Variants in SOX5 observed in about 807,000 individuals in gnomAD.
SOX5 encodes transcription factor SOX-5.
In SOX5, 9 loss-of-function variants were observed where a neutral mutation model predicts 92.0. The ratio of observed to expected loss-of-function variants is 0.10; its 90% CI spans 0.06 to 0.17. The LOEUF is 0.17. Among genes scored for constraint, SOX5 ranks in the 10% least tolerant of loss-of-function variants. The probability of loss-of-function intolerance (pLI) is 1.00; values close to 1 mark genes in which losing one functional copy is unlikely to be tolerated. For synonymous variants in SOX5, 344 were observed against 336.3 expected, an observed-to-expected ratio of 1.02 and a Z score of -0.25; for missense variants, 642 against 944.5, an observed-to-expected ratio of 0.68 and a Z score of 4.20.
intron 2 of SOX5, among the ~76,000 whole-genome samples, chr12:24,317,180 G>A (rs1949772722): frequency 6.6e-6 from 1 of 152,158 alleles, no homozygotes; most frequent in Non-Finnish European, 1.5e-5. Context: ...TATAAAATAT[G>A]CTCTAAGTAT....
intron 3 of SOX5, among the ~76,000 whole-genome samples, chr12:24,243,066 GA>G (rs1238938434): frequency 2.0e-5 from 3 of 151,852 alleles, no homozygotes; most frequent in Non-Finnish European, 4.4e-5. Flanking sequence ...TTATCTCTGG[GA>G]AAAAATGGGA....
chr12:24,029,067 T>C (rs1034111872), intron 4 of SOX5, among the ~76,000 whole-genome samples: 18 of 151,990 alleles, frequency 1.2e-4, no homozygotes, highest in African/African-American at 3.6e-4. Context: ...AAGGACTAAA[T>C]ATACTCATAT....
intron 1 of SOX5, among the ~76,000 whole-genome samples, chr12:24,487,914 G>T (rs1946681121): frequency 6.6e-6 from 1 of 152,030 alleles, no homozygotes; most frequent in Non-Finnish European, 1.5e-5. Flanking sequence ...CAAGGATTCA[G>T]TACGTTTCAA....
chr12:23,779,814 T>TATATATATATATATACACACACAC (rs777013504), intron 3 of SOX5, among the ~76,000 whole-genome samples: 2 of 110,812 alleles, frequency 1.8e-5, no homozygotes, highest in Non-Finnish European at 3.6e-5. Context: ...TATATATATA[T>TATATATATATATATACACACACAC]ACACACACAC....
At chr12:23,590,746 G>T (rs1425676921) in intron 9 of SOX5, among the ~76,000 whole-genome samples, 2 of 151,990 alleles carry the variant, frequency 1.3e-5, no homozygotes, top group African/African-American at 4.8e-5. Flanking sequence ...CTCTATAGAA[G>T]TTGTTTTGAC....
At chr12:24,354,352 C>T (rs552748015) in intron 2 of SOX5, among the ~76,000 whole-genome samples, 1 of 152,162 alleles carries the variant, frequency 6.6e-6, no homozygotes, top group Non-Finnish European at 1.5e-5. Context: ...CTGAAGGAGG[C>T]CAGTGGGTCT....
chr12:23,764,099 G>A (rs1480797680), intron 3 of SOX5, among the ~76,000 whole-genome samples: 1 of 151,974 alleles, frequency 6.6e-6, no homozygotes, highest in Non-Finnish European at 1.5e-5. Flanking sequence ...TTACTAAGGC[G>A]AGAGGAGTAG....
At chr12:24,096,966 C>A (rs955231572) in intron 4 of SOX5, among the ~76,000 whole-genome samples, 1 of 152,084 alleles carries the variant, frequency 6.6e-6, no homozygotes, top group Non-Finnish European at 1.5e-5. Flanking sequence ...TTTTCTATAG[C>A]GGTTGCACCA....
intron 4 of SOX5, among the ~76,000 whole-genome samples, chr12:24,173,321 G>A (rs1954415282): frequency 6.6e-6 from 1 of 152,300 alleles, no homozygotes; most frequent in South Asian, 2.1e-4. Context: ...TTGAAGTTTG[G>A]AGTCTCCCCT....
rs1399623690 is a variant in SOX5 at position 23,792,547 on chromosome 12, CA to C, written c.482-36824del. On this transcript the variant is annotated intron_variant, in intron 3 of 14. Transcript: ENST00000451604. The stretch of plus-strand genomic sequence containing the variant: ...CTGAGGCAGGAGGATTGCTTGAACC[CA>C]GGAGGCAGAGGTTGCAGTGAGCCGA... 2.2e-5 allele frequency among the ~76,000 whole-genome samples: 3 copies of C among 137,546 alleles called. No homozygotes were observed. In the East Asian group the frequency reaches 7.5e-4, roughly 34 times the overall value. The allele number at this position is 137,546 out of a possible 152,430, so 90.2% of individuals were successfully genotyped here.
chr12:24,479,761 G>A (rs1051609947), intron 1 of SOX5, among the ~76,000 whole-genome samples: 26 of 152,034 alleles, frequency 1.7e-4, no homozygotes, highest in African/African-American at 6.3e-4. Context: ...TGCCTCCCAG[G>A]TTCAAGCAAT....
At chr12:24,165,353 T>G (rs1343691373) in intron 4 of SOX5, among the ~76,000 whole-genome samples, 1 of 152,166 alleles carries the variant, frequency 6.6e-6, no homozygotes, top group African/African-American at 2.4e-5. Context: ...GATTATTTAT[T>G]TGCATTTATG....
At chr12:24,246,230 G>GT (rs1852134851) in intron 3 of SOX5, among the ~76,000 whole-genome samples, 1 of 148,836 alleles carries the variant, frequency 6.7e-6, no homozygotes, top group Admixed American at 6.7e-5. Context: ...GCTTGCTTCA[G>GT]TTTTTTGCCT....
chr12:23,892,449 A>G (rs781029288), intron 2 of SOX5, among the ~76,000 whole-genome samples: 4 of 152,202 alleles, frequency 2.6e-5, no homozygotes, highest in South Asian at 2.1e-4. Flanking sequence ...GCTAGTCTAT[A>G]GAGATTTTTC....
chr12:24,193,651 A>G (rs1423768022), intron 4 of SOX5, among the ~76,000 whole-genome samples: 2 of 152,324 alleles, frequency 1.3e-5, no homozygotes, highest in East Asian at 1.9e-4. Context: ...GAATTTGTAC[A>G]TATCAGTGAG....
In SOX5 at chr12:23,534,161, G is replaced by C; in HGVS notation, c.*58C>G. The C allele has an allele frequency of 1.4e-6, 2 of 1,436,226 alleles. No individual in the cohort carries two copies. The highest frequency in any genetic ancestry group is 2.5e-5 in the South Asian group (2 of 80,162). The allele number at this position is 1,436,226 out of a possible 1,614,324, so 89.0% of individuals were successfully genotyped here. ...AGTTAATGTGCTTGGCCACTGGTAA[G>C]GATGAACCAGTTAGGGCTTCTTTAA... On this transcript the variant is annotated 3_prime_UTR_variant, in exon 15 of 15. Coordinates refer to ENST00000451604, the MANE Select transcript of SOX5 (RefSeq NM_006940.6).
chr12:24,374,253 C>G (rs1027417358), intron 1 of SOX5, among the ~76,000 whole-genome samples: 1 of 151,942 alleles, frequency 6.6e-6, no homozygotes, highest in Non-Finnish European at 1.5e-5. Flanking sequence ...GCTGACAGTC[C>G]TCTTTCATTG....
chr12:23,841,719 T>G (rs1393398002), intron 3 of SOX5, among the ~76,000 whole-genome samples: 1 of 152,128 alleles, frequency 6.6e-6, no homozygotes, highest in Non-Finnish European at 1.5e-5. Flanking sequence ...TTATTCTGAT[T>G]ATATGGTTTT....
chr12:24,330,918 G>A (rs1951230737), intron 2 of SOX5, among the ~76,000 whole-genome samples: 1 of 152,202 alleles, frequency 6.6e-6, no homozygotes, highest in Admixed American at 6.5e-5. Flanking sequence ...GTTTCTGGAA[G>A]ATGGAAAGCA....
Sources: allele counts gnomAD v4.1 joint callset (sites outside exome capture counted in the v4.1 genomes callset), GRCh38; gene constraint gnomAD v4.1.1; transcripts MANE v1.5; gene names NCBI Gene and HGNC (gene_info 2026-07-23, HGNC 2026-07-21).